Variants in KMT2C observed in about 807,000 individuals in gnomAD.
KMT2C encodes lysine methyltransferase 2C, also known as histone-lysine N-methyltransferase 2C.
In KMT2C, 88 loss-of-function variants were observed where a neutral mutation model predicts 507.9. That is an observed-to-expected ratio of 0.17 (90% CI 0.15 to 0.21). KMT2C has a LOEUF of 0.21. Ranked by LOEUF, KMT2C falls within the 10% of genes least tolerant of loss-of-function variation. KMT2C has a pLI of 1.00. For missense variants in KMT2C, 4,954 were observed against 5,957.8 expected (o/e 0.83, Z 5.55); for synonymous variants, 2,049 against 2,080.8 (o/e 0.98, Z 0.42).
chr7:152,291,834 A>T (rs2096431912), intron 6 of KMT2C, among the ~76,000 whole-genome samples: 1 of 152,276 alleles, frequency 6.6e-6, no homozygotes, highest in Non-Finnish European at 1.5e-5. Flanking sequence ...TGAAAGGCTA[A>T]TAGTCTTTTT....
intron 28 of KMT2C, 89 bp downstream of exon 28, chr7:152,195,818 A>C (rs2093944786): frequency 3.0e-6 from 2 of 677,774 alleles, no homozygotes; most frequent in South Asian, 3.8e-5. Context: ...TTACTGGGAA[A>C]CAGACAAAAG....
At chr7:152,344,896 A>G (rs1407667703) in intron 2 of KMT2C, among the ~76,000 whole-genome samples, 1 of 151,914 alleles carries the variant, frequency 6.6e-6, no homozygotes, top group African/African-American at 2.4e-5. Context: ...CTGAGGCAGG[A>G]GAATGGCGTG....
rs1323913950 is a variant in KMT2C at position 152,207,310 on chromosome 7, T to C, written c.3831A>G (p.Pro1277=). 6.9e-6 allele frequency: 11 copies of C among 1,590,912 alleles called. No individual in the cohort carries two copies. The East Asian group carries it at 1.6e-4, about 23-fold the overall frequency. ...TDGVKKRKRK[P]YRPGIGGFMV... ...CCTCAGGCACTATACCTGGTCTGTATGGTTTCCTTTTTCTCTTTTTGACAC... is the reference window on the plus strand; with the variant it reads ...CCTCAGGCACTATACCTGGTCTGTACGGTTTCCTTTTTCTCTTTTTGACAC... The change falls in exon 24 of 59, where the codon CCA becomes CCG. Residue 1277 remains proline (P), a synonymous_variant. Coordinates refer to ENST00000262189, the MANE Select transcript of KMT2C (RefSeq NM_170606.3).
intron 2 of KMT2C, among the ~76,000 whole-genome samples, chr7:152,334,191 C>G (rs991482561): frequency 4.6e-5 from 7 of 152,208 alleles, no homozygotes; most frequent in Non-Finnish European, 7.3e-5. Context: ...TGCGGTGGCT[C>G]ACGCCTGTAA....
At chr7:152,232,435 T>C (rs576766432) in intron 16 of KMT2C, among the ~76,000 whole-genome samples, 2 of 152,340 alleles carry the variant, frequency 1.3e-5, no homozygotes, top group African/African-American at 4.8e-5. Context: ...ATTTGAGGTA[T>C]AGCACTATAA....
intron 1 of KMT2C, among the ~76,000 whole-genome samples, chr7:152,427,238 A>C (rs1485242595): frequency 6.6e-6 from 1 of 150,934 alleles, no homozygotes; most frequent in Non-Finnish European, 1.5e-5. Flanking sequence ...CTGGTCTTGA[A>C]CTCCTGACCT....
At chr7:152,257,877 A>G (rs1037798911) in intron 9 of KMT2C, among the ~76,000 whole-genome samples, 3 of 151,960 alleles carry the variant, frequency 2.0e-5, no homozygotes, top group South Asian at 4.1e-4. Flanking sequence ...ACACACACAC[A>G]CACACACAAA....
chr7:152,348,450 G>A (rs2097080457), intron 2 of KMT2C, among the ~76,000 whole-genome samples: 1 of 150,950 alleles, frequency 6.6e-6, no homozygotes. Context: ...TACAAAAAAA[G>A]TAGCCAGGCA....
At chr7:152,157,793 C>A in intron 44 of KMT2C, 1 of 1,311,032 alleles carries the variant, frequency 7.6e-7, no homozygotes, top group South Asian at 1.2e-5. Flanking sequence ...TAGTCCGAAA[C>A]CCCTTCCAGG....
At chr7:152,158,824 G>T (rs777830343) in intron 44 of KMT2C, 39 bp downstream of exon 44, 2 of 1,592,876 alleles carry the variant, frequency 1.3e-6, no homozygotes, top group South Asian at 2.2e-5. Context: ...CTATATCCTT[G>T]ACTTTTAAAA....
At chr7:152,319,416 G>A (rs1273450368) in intron 3 of KMT2C, among the ~76,000 whole-genome samples, 1 of 152,168 alleles carries the variant, frequency 6.6e-6, no homozygotes, top group African/African-American at 2.4e-5. Context: ...AGACAAGAGT[G>A]CGAGCCTTCT....
In KMT2C at chr7:152,205,176, T is replaced by G. The variant is rs2094268299; in HGVS notation, c.3891A>C (p.Lys1297Asn). 6.2e-7 allele frequency: 1 copy of G among 1,611,612 alleles called. No homozygotes were observed. The highest frequency in any genetic ancestry group is 1.3e-5 in the African/African-American group (1 of 74,796). Residue 1297 changes from lysine (K) to asparagine (N), a missense_variant, in exon 25 of 59, where the codon AAA (lysine) becomes AAC (asparagine). Physicochemically the swap from Lys to Asn is moderately conservative, Grantham distance 94. This residue lies in a region of KMT2C where 176 missense variants were observed against 262.0 expected (regional missense o/e 0.67). Coordinates refer to ENST00000262189, the MANE Select transcript of KMT2C (RefSeq NM_170606.3). ...CTTTTCTGATCACAGATCTTTTGGT[T>G]TTCCCTTGCCCAGTTCGACTTCTTT... ...VRQRSRTGQGKTKRSVIRKDS... is the reference protein window; with the variant it reads ...VRQRSRTGQGNTKRSVIRKDS...
chr7:152,135,392 A>T lies in KMT2C; in HGVS notation c.*1440T>A. 1.4e-5 allele frequency: 3 copies of T among 217,580 alleles called. No individual in the cohort carries two copies. The highest frequency in any genetic ancestry group is 2.8e-5 in the Non-Finnish European group (3 of 108,048). 13.5% of individuals were successfully genotyped at this position (217,580 alleles called of 1,614,324 possible). ...ATTAAGTTTCTACAAGCAAACACAAAACAGTGTTTTTTTTATTAAAGAAAT... is the reference window on the plus strand; with the variant it reads ...ATTAAGTTTCTACAAGCAAACACAATACAGTGTTTTTTTTATTAAAGAAAT... On this transcript the variant is annotated 3_prime_UTR_variant, in exon 59 of 59. Transcript: ENST00000262189.
chr7:152,433,853 G>A (rs1236743469), intron 1 of KMT2C, among the ~76,000 whole-genome samples: 8 of 151,958 alleles, frequency 5.3e-5, no homozygotes, highest in African/African-American at 1.7e-4. Context: ...GTGCGCGTGC[G>A]TGTGAGTGTG....
chr7:152,271,469 C>T (rs905829461), intron 7 of KMT2C, among the ~76,000 whole-genome samples: 4 of 151,786 alleles, frequency 2.6e-5, no homozygotes, highest in Non-Finnish European at 4.4e-5. Context: ...GTCAGGAGTT[C>T]GAGACGAATC....
chr7:152,222,961 G>C (rs902099814), intron 20 of KMT2C, among the ~76,000 whole-genome samples: 3 of 152,198 alleles, frequency 2.0e-5, no homozygotes, highest in African/African-American at 7.2e-5. Context: ...ATATTTCAAA[G>C]ACAGAAAGGA....
intron 2 of KMT2C, among the ~76,000 whole-genome samples, chr7:152,355,960 A>G (rs1311676330): frequency 6.6e-6 from 1 of 152,076 alleles, no homozygotes; most frequent in Non-Finnish European, 1.5e-5. Context: ...GAGATGGAAA[A>G]GTTATTGATG....
chr7:152,380,068 C>T (rs55984250), intron 1 of KMT2C, among the ~76,000 whole-genome samples: 10 of 152,410 alleles, frequency 6.6e-5, no homozygotes, highest in African/African-American at 2.4e-4. Context: ...CCCATCTCTA[C>T]TAAAATATAA....
At chr7:152,345,877 A>T (rs2097053846) in intron 2 of KMT2C, among the ~76,000 whole-genome samples, 1 of 152,174 alleles carries the variant, frequency 6.6e-6, no homozygotes, top group African/African-American at 2.4e-5. Context: ...AAAAAACCCC[A>T]CTTTAACTAT....
Sources: allele counts gnomAD v4.1 joint callset (sites outside exome capture counted in the v4.1 genomes callset), GRCh38; gene constraint gnomAD v4.1.1; regional missense constraint gnomAD v4.1.1; transcripts MANE v1.5; gene names NCBI Gene and HGNC (gene_info 2026-07-23, HGNC 2026-07-21).